Variants in CD63 observed in about 807,000 individuals in gnomAD.
CD63 encodes CD63 molecule, also known as CD63 antigen.
CD63 carries 16 observed loss-of-function variants against 29.2 expected under a neutral mutation model. The ratio of observed to expected loss-of-function variants is 0.55; its 90% CI spans 0.37 to 0.83. The LOEUF (loss-of-function observed/expected upper bound fraction) is 0.83. Ranked by LOEUF, CD63 falls within the 40% of genes least tolerant of loss-of-function variation. The pLI, the probability that CD63 is intolerant of heterozygous loss-of-function variation, is 0.00. For synonymous variants in CD63, 118 were observed against 111.7 expected (o/e 1.06, Z -0.36); for missense variants, 251 against 297.3 (o/e 0.84, Z 1.15).
At chr12:55,724,346 T>G (rs780377973), downstream of CD63, 48 of 1,614,078 alleles carry the variant, frequency 3.0e-5, 1 homozygote, top group South Asian at 4.9e-4. Context: ...CAGCGCATCA[T>G]GAACCTGATC....
At chr12:55,724,735 C>T, downstream of CD63, 1 of 661,130 alleles carries the variant, frequency 1.5e-6, no homozygotes, top group Non-Finnish European at 2.7e-6. Context: ...CCAACTACTC[C>T]AAACCGACAT....
At chr12:55,725,756 C>T in intron 7 of CD63, 57 bp downstream of exon 7, 1 of 1,573,372 alleles carries the variant, frequency 6.4e-7, no homozygotes, top group Non-Finnish European at 8.7e-7. Context: ...CCCCTCAGCC[C>T]CTTCCCTCCA....
rs370831325 is a variant in CD63 at position 55,725,880 on chromosome 12, A to G, written c.584T>C (p.Ile195Thr). Residue 195 changes from isoleucine (I) to threonine (T), a missense_variant, in exon 7 of 8, where the codon ATT (isoleucine) becomes ACT (threonine). Transcript: ENST00000257857. ...AIHKEGCVEK[I>T]GGWLRKNVLV... ...CACATTTTTCCTCAGCCAGCCCCCA[A>G]TCTTCTCCACACAGCCCTGAAGGTG... 5.0e-5 allele frequency: 81 copies of G among 1,613,866 alleles called. No homozygotes were observed. Among genetic ancestry groups the G allele is most frequent in the African/African-American group, 5.3e-5 (4 of 74,882 alleles).
In CD63 at chr12:55,728,331, T is replaced by C. The variant is rs754869826; in HGVS notation, c.11A>G (p.Glu4Gly). MAV[E>G]GGMKCVKFLL... ...GAACTTCACACATTTCATTCCTCCT[T>C]CCACCGCCATGGCTGCCGGGCCTGG... Residue 4 changes from glutamate to glycine, a missense_variant, in exon 2 of 8, where the codon GAA becomes GGA. Glu to Gly is a moderately conservative substitution (Grantham distance 98, BLOSUM62 -2). Coordinates refer to ENST00000257857, the MANE Select transcript of CD63 (RefSeq NM_001780.6). This position sits in a 1 kb window ranked among gnomAD's most constrained non-coding sequence, Gnocchi z 4.8. The C allele has an allele frequency of 3.1e-6, 5 of 1,610,310 alleles. No individual in the cohort carries two copies. Among genetic ancestry groups the C allele is most frequent in the Non-Finnish European group, 4.2e-6 (5 of 1,179,054 alleles).
At position 55,728,504 on chromosome 12, in the gene CD63, C is replaced by G; in HGVS notation, c.-11-152G>C. On this transcript the variant is annotated intron_variant, in intron 1 of 7. Transcript: ENST00000257857. This position sits in a 1 kb window ranked among gnomAD's most constrained non-coding sequence, Gnocchi z 4.8. ...CCGCGGTCGGATCCACGTCTCCCAG[C>G]CCCCTCTTTACCCGCAGGAGAGGGG... 6.8e-7 allele frequency: 1 copy of G among 1,470,456 alleles called. No homozygotes were observed. Among genetic ancestry groups the G allele is most frequent in the Admixed American group, 2.3e-5 (1 of 43,484 alleles). 91.1% of individuals were successfully genotyped at this position (1,470,456 alleles called of 1,614,324 possible).
downstream of CD63, chr12:55,724,339 C>T (rs758023649): frequency 3.2e-5 from 51 of 1,614,058 alleles, no homozygotes; most frequent in African/African-American, 4.0e-5. Flanking sequence ...AATGCAACAG[C>T]GCATCATGAA....
intron 6 of CD63, 104 bp from the exon 7 acceptor site, chr12:55,726,000 C>A: frequency 6.8e-7 from 1 of 1,462,836 alleles, no homozygotes; most frequent in Non-Finnish European, 9.5e-7. Context: ...ACCTTTCACC[C>A]CACCCTTAGC....
chr12:55,724,838 G>A (rs946569946), downstream of CD63: 8 of 510,934 alleles, frequency 1.6e-5, no homozygotes, highest in East Asian at 1.1e-4. Context: ...GCTGCACGTC[G>A]GGGAGTGGCC....
rs930350872 is a variant in CD63 at position 55,728,770 on chromosome 12, A to G, written c.-12+183T>C. Reference sequence around the variant, plus strand: ...CCTCCCCGCCCACCAAAAAAAAAAAAAGTGCAGCCAGCACCCCCGCCACAC... The same window carrying G: ...CCTCCCCGCCCACCAAAAAAAAAAAGAGTGCAGCCAGCACCCCCGCCACAC... On this transcript the variant is annotated intron_variant, in intron 1 of 7. Transcript: ENST00000257857. This position sits in a 1 kb window ranked among gnomAD's most constrained non-coding sequence, Gnocchi z 4.8. The G allele has an allele frequency of 1.1e-4, 111 of 985,894 alleles. No individual in the cohort carries two copies. In the African/African-American group the frequency reaches 1.8e-3, roughly 16 times the overall value. 61.1% of individuals were successfully genotyped at this position (985,894 alleles called of 1,614,324 possible).
Position 55,727,246 on chromosome 12 carries a change from G to A in CD63, c.160C>T (p.Pro54Ser). The A allele has an allele frequency of 6.2e-7, 1 of 1,613,926 alleles. No homozygotes were observed. Among genetic ancestry groups the A allele is most frequent in the East Asian group, 2.2e-5 (1 of 44,878 alleles). Reference sequence around the variant, plus strand: ...ACACCCACTGCGATGATGACCACTGGCAACAGAGAGCCAGGGGTAGCCCCC... The same window carrying A: ...ACACCCACTGCGATGATGACCACTGACAACAGAGAGCCAGGGGTAGCCCCC... The part of the protein sequence containing the change: ...IQGATPGSLL[P>S]VVIIAVGVFL... The change falls in exon 3 of 8, where the codon CCA (proline) becomes TCA (serine). Residue 54 changes from proline (P) to serine (S), a missense_variant. Pro to Ser is a moderately conservative substitution (Grantham distance 74, BLOSUM62 -1). Coordinates refer to ENST00000257857, the MANE Select transcript of CD63 (RefSeq NM_001780.6).
At chr12:55,727,411 T>G in intron 2 of CD63, 72 bp from the exon 3 acceptor site, 2 of 1,420,490 alleles carry the variant, frequency 1.4e-6, no homozygotes, top group Non-Finnish European at 1.9e-6. Flanking sequence ...GGGCAGGGGG[T>G]ACACCTAGGA....
rs1301982764 is a variant in CD63, at chr12:55,728,636, GC to G, written c.-11-285del. 2.9e-5 allele frequency: 37 copies of G among 1,295,746 alleles called. No individual in the cohort carries two copies. Among genetic ancestry groups the G allele is most frequent in the Non-Finnish European group, 3.6e-5 (37 of 1,018,042 alleles). The allele number at this position is 1,295,746 out of a possible 1,614,324, so 80.3% of individuals were successfully genotyped here. On this transcript the variant is annotated intron_variant, in intron 1 of 7. Coordinates refer to ENST00000257857, the MANE Select transcript of CD63 (RefSeq NM_001780.6). The surrounding 1 kb of genome is among the most constrained non-coding windows in gnomAD (Gnocchi z 4.8). ...TGAGCCTGACGCCGACCCTCGGCCC[GC>G]CAGTCTCCGGGCGTCAAACACCCTT...
At position 55,727,054 on chromosome 12, in the gene CD63, G is replaced by T. The variant is rs528587978; in HGVS notation, c.256-90C>A. The T allele has an allele frequency of 6.4e-6, 10 of 1,563,900 alleles. No individual in the cohort carries two copies. In the South Asian group the frequency reaches 9.0e-5, roughly 14 times the overall value. On this transcript the variant is annotated intron_variant, in intron 3 of 7. Coordinates refer to ENST00000257857, the MANE Select transcript of CD63 (RefSeq NM_001780.6). ...AGCCGGTCCCTGGACACTCACAAAG[G>T]TCTTCCTCACCCACCCACCTCACCC...
intron 5 of CD63, 75 bp downstream of exon 5, chr12:55,726,625 G>A: frequency 9.2e-6 from 11 of 1,190,828 alleles, no homozygotes; most frequent in Non-Finnish European, 1.4e-5. Context: ...GATTACAGGC[G>A]TGAGTCACCA....
downstream of CD63, chr12:55,723,978 C>G: frequency 6.2e-7 from 1 of 1,614,038 alleles, no homozygotes; most frequent in Non-Finnish European, 8.5e-7. Context: ...CTGGAGAAAA[C>G]CCTGCAGGCC....
downstream of CD63, chr12:55,723,545 TA>T (rs1433033524): frequency 3.1e-6 from 1 of 323,426 alleles, no homozygotes; most frequent in Non-Finnish European, 6.0e-6. Context: ...TACAAGCTGA[TA>T]ATGGTTTTTT....
At position 55,725,422 on chromosome 12, in the gene CD63, GGAAA is replaced by G; in HGVS notation, c.*135_*138del. ...CCCAGAGGACAGGGAACATCAGTAA[GGAAA>G]GGAAGGAATCAAGCATCACTCTAAG... On this transcript the variant is annotated 3_prime_UTR_variant, in exon 8 of 8. Coordinates refer to ENST00000257857, the MANE Select transcript of CD63 (RefSeq NM_001780.6). 1 of 741,256 alleles carries G rather than the reference GGAAA, an allele frequency of 1.3e-6. No individual in the cohort carries two copies. Among genetic ancestry groups the G allele is most frequent in the Non-Finnish European group, 2.4e-6 (1 of 421,748 alleles). The allele number at this position is 741,256 out of a possible 1,614,324, so 45.9% of individuals were successfully genotyped here. A position where few individuals can be genotyped will look rare whatever the true frequency, so the allele number is the denominator to read the frequency against.
downstream of CD63, among the ~76,000 whole-genome samples, chr12:55,725,078 G>A (rs867432061): frequency 1.3e-5 from 2 of 152,194 alleles, no homozygotes; most frequent in African/African-American, 4.8e-5. Context: ...TACTTCGAAA[G>A]GAGCTGGATC....
At position 55,728,820 on chromosome 12, in the gene CD63, A is replaced by G. The variant is rs1478674701; in HGVS notation, c.-12+133T>C. The G allele has an allele frequency of 1.0e-6, 1 of 992,018 alleles. No homozygotes were observed. The highest frequency in any genetic ancestry group is 1.8e-5 in the African/African-American group (1 of 56,716). 61.5% of individuals were successfully genotyped at this position (992,018 alleles called of 1,614,324 possible). ...CCCTGCCCGGGCCCAGGGAACTTCG[A>G]AGCAAAGTTGCTCCAGGGCGGCTGG... On this transcript the variant is annotated intron_variant, in intron 1 of 7. Transcript: ENST00000257857. The surrounding 1 kb of genome is among the most constrained non-coding windows in gnomAD (Gnocchi z 4.8).
Sources: allele counts gnomAD v4.1 joint callset (sites outside exome capture counted in the v4.1 genomes callset), GRCh38; gene constraint gnomAD v4.1.1; non-coding constraint Gnocchi (gnomAD v3.1); transcripts MANE v1.5; gene names NCBI Gene and HGNC (gene_info 2026-07-23, HGNC 2026-07-21).